EBF4: variants seen among roughly 807,000 people sequenced by gnomAD.
The protein encoded by EBF4 is transcription factor COE4.
Under a neutral mutation model 67.1 loss-of-function variants are expected in EBF4, and 34 were observed. That is an observed-to-expected ratio of 0.51 (90% CI 0.39 to 0.67). The LOEUF is 0.67. Ranked by LOEUF, EBF4 falls within the 30% of genes least tolerant of loss-of-function variation. The pLI is 0.00. For synonymous variants in EBF4, 387 were observed against 377.7 expected (o/e 1.02, Z -0.29); for missense variants, 837 against 873.3 (o/e 0.96, Z 0.52).
chr20:2,722,871 G>A (rs1451586517), intron 6 of EBF4, among the ~76,000 whole-genome samples: 2 of 152,094 alleles, frequency 1.3e-5, no homozygotes, highest in East Asian at 1.9e-4. Context: ...CAAATATGTG[G>A]TATTTTTCTA....
chr20:2,708,085 G>T, intron 5 of EBF4, 65 bp downstream of exon 5: 2 of 1,505,606 alleles, frequency 1.3e-6, no homozygotes, highest in Admixed American at 2.0e-5. Context: ...CTCTACCCAG[G>T]CCCTGCCCCC....
Position 2,758,948 on chromosome 20 carries a change from C to T in EBF4, c.1778C>T (p.Ala593Val), listed in dbSNP as rs1245226938. 5.8e-6 allele frequency: 9 copies of T among 1,551,838 alleles called. No individual in the cohort carries two copies. The South Asian group carries it at 8.3e-5, about 14-fold the overall frequency. Residue 593 changes from alanine (A) to valine (V), a missense_variant, in exon 16 of 17, where the codon GCC (alanine) becomes GTC (valine). By Grantham distance (64) the Ala-to-Val change is moderately conservative. Coordinates refer to ENST00000609451, the Ensembl canonical transcript of EBF4. ...GATTCTGACAAGTTTCACTCTCCAG[C>T]CCGGGGGCTTCAGGGCCTGGCATAC...
chr20:2,725,085 A>G (rs375677437), intron 6 of EBF4, among the ~76,000 whole-genome samples: 1 of 152,078 alleles, frequency 6.6e-6, no homozygotes, highest in Non-Finnish European at 1.5e-5. Flanking sequence ...ATATCTATGG[A>G]TATACATCTT....
rs2087249160 is a variant in EBF4, at chr20:2,693,908, CCCCGG to C, written c.137+130_137+134del. The C allele has an allele frequency of 3.4e-6, 4 of 1,174,258 alleles. No homozygotes were observed. The Middle Eastern group carries it at 9.6e-4, about 281-fold the overall frequency. The allele number at this position is 1,174,258 out of a possible 1,614,324, so 72.7% of individuals were successfully genotyped here. On this transcript the variant is annotated intron_variant, in intron 1 of 16. Transcript: ENST00000609451. This position sits in a 1 kb window ranked among gnomAD's most constrained non-coding sequence, Gnocchi z 4.6. ...TAACTCTGGACGGTCCCGGCGAGCT[CCCCGG>C]CCCACCCCGTCCGGAGTGCCTGTGC...
intron 6 of EBF4, among the ~76,000 whole-genome samples, chr20:2,715,213 TA>T (rs1194151996): frequency 3.9e-5 from 6 of 152,098 alleles, no homozygotes; most frequent in Non-Finnish European, 7.4e-5. Flanking sequence ...TGCATAATCC[TA>T]AAAAAAGTGT....
intron 6 of EBF4, among the ~76,000 whole-genome samples, chr20:2,710,802 AAT>A (rs1183767701): frequency 5.9e-5 from 9 of 152,114 alleles, no homozygotes; most frequent in African/African-American, 2.2e-4. Context: ...TATACAACAA[AAT>A]AGTTATATGT....
chr20:2,752,875 C>T (rs2088178986), intron 14 of EBF4, among the ~76,000 whole-genome samples: 2 of 152,210 alleles, frequency 1.3e-5, no homozygotes, highest in Admixed American at 1.3e-4. Context: ...CATCTGAAAC[C>T]TGGGACACCG....
chr20:2,727,531 C>T (rs2146437882), intron 6 of EBF4, among the ~76,000 whole-genome samples: 1 of 152,222 alleles, frequency 6.6e-6, no homozygotes, highest in East Asian at 1.9e-4. Flanking sequence ...AAAATAAATC[C>T]ACATATAAGT....
In EBF4 at chr20:2,755,332, A is replaced by C; in HGVS notation, c.1541-295A>C. The stretch of plus-strand genomic sequence containing the variant: ...TCCTGAAGTAGTCCAGCTGTTGCTC[A>C]TCTCATTTTTGGGGGGTACCTCCCA... On this transcript the variant is annotated intron_variant, in intron 14 of 16. Transcript: ENST00000609451. The surrounding 1 kb of genome is among the most constrained non-coding windows in gnomAD (Gnocchi z 4.7). The C allele has an allele frequency of 4.8e-6, 2 of 416,966 alleles. No homozygotes were observed. Among genetic ancestry groups the C allele is most frequent in the Non-Finnish European group, 8.6e-6 (2 of 232,972 alleles). 25.8% of individuals were successfully genotyped at this position (416,966 alleles called of 1,614,324 possible).
intron 6 of EBF4, among the ~76,000 whole-genome samples, chr20:2,725,671 G>A (rs1188279165): frequency 2.6e-5 from 4 of 152,098 alleles, no homozygotes; most frequent in African/African-American, 7.2e-5. Flanking sequence ...GCCCCAAACC[G>A]GGTATGTTTT....
At chr20:2,750,236 A>G (rs548460834) in intron 10 of EBF4, among the ~76,000 whole-genome samples, 6 of 151,988 alleles carry the variant, frequency 3.9e-5, no homozygotes, top group African/African-American at 1.4e-4. Flanking sequence ...CACAACCAAC[A>G]TTCTTACTCC....
chr20:2,742,952 G>A (rs1392231058), intron 6 of EBF4, among the ~76,000 whole-genome samples: 3 of 152,000 alleles, frequency 2.0e-5, no homozygotes, highest in Admixed American at 2.0e-4. Flanking sequence ...CCCTTCCCAG[G>A]CTCTCTTCTT....
In EBF4 at chr20:2,693,723, C is replaced by A; in HGVS notation, c.78C>A (p.Gly26=). Residue 26 remains glycine (G), a synonymous_variant, in exon 1 of 17, where the codon GGC becomes GGA. Coordinates refer to ENST00000609451, the Ensembl canonical transcript of EBF4. The surrounding 1 kb of genome is among the most constrained non-coding windows in gnomAD (Gnocchi z 4.6). ...AGCCGCTGCTGCCCGCCGGCCTGGG[C>A]TCAGTGCGCTCCTGGATGCAGGGCG... 1 of 1,396,062 alleles carries A rather than the reference C, an allele frequency of 7.2e-7. No homozygotes were observed. Among genetic ancestry groups the A allele is most frequent in the Non-Finnish European group, 9.2e-7 (1 of 1,081,782 alleles). 86.5% of individuals were successfully genotyped at this position (1,396,062 alleles called of 1,614,324 possible). A position where few individuals can be genotyped will look rare whatever the true frequency, so the allele number is the denominator to read the frequency against.
At chr20:2,752,306 C>T (rs1321171396) in intron 13 of EBF4, 43 bp downstream of exon 13, 1 of 1,202,118 alleles carries the variant, frequency 8.3e-7, no homozygotes. Flanking sequence ...GCGCCGCCAC[C>T]GCCCCTCCCC....
At chr20:2,742,620 G>A (rs1248574276) in intron 6 of EBF4, among the ~76,000 whole-genome samples, 1 of 152,146 alleles carries the variant, frequency 6.6e-6, no homozygotes, top group Non-Finnish European at 1.5e-5. Context: ...CACTGGTCCT[G>A]CAGTGGTCAC....
At chr20:2,728,729 G>A (rs780251313) in intron 6 of EBF4, among the ~76,000 whole-genome samples, 3 of 152,042 alleles carry the variant, frequency 2.0e-5, no homozygotes, top group Non-Finnish European at 4.4e-5. Context: ...TTCCTAACCT[G>A]AGGTCTACAA....
chr20:2,748,231 A>C (rs1483063981), intron 6 of EBF4, among the ~76,000 whole-genome samples: 2 of 152,172 alleles, frequency 1.3e-5, no homozygotes, highest in Non-Finnish European at 1.5e-5. Flanking sequence ...GGTAGTGTAT[A>C]TAATGGACTT....
At chr20:2,746,765 T>C (rs1018934605) in intron 6 of EBF4, among the ~76,000 whole-genome samples, 25 of 152,216 alleles carry the variant, frequency 1.6e-4, no homozygotes, top group Non-Finnish European at 3.7e-4. Context: ...TTGGGACTCT[T>C]GTATTTGCTT....
intron 6 of EBF4, among the ~76,000 whole-genome samples, chr20:2,734,444 T>G (rs6051342): frequency 0.17 from 25,958 of 152,174 alleles, 2,450 homozygotes; most frequent in East Asian, 0.29. Flanking sequence ...TGTCTAAAAA[T>G]TCTAACCTCT....
Sources: gnomAD v4.1 joint callset for allele counts (sites outside exome capture counted in the v4.1 genomes callset) on GRCh38, gnomAD v4.1.1 for gene constraint, Gnocchi (gnomAD v3.1) non-coding constraint, MANE v1.5 for transcripts, NCBI Gene and HGNC (gene_info 2026-07-23, HGNC 2026-07-21) for gene names.